CDH2: variants seen among roughly 807,000 people sequenced by gnomAD.
CDH2 encodes cadherin-2.
CDH2 carries 17 observed loss-of-function variants against 92.0 expected under a neutral mutation model. That is an observed-to-expected ratio of 0.18 (90% CI 0.13 to 0.28). The LOEUF is 0.28. CDH2 is among the 10% of genes least tolerant of loss of function. CDH2 has a pLI of 1.00. For synonymous variants in CDH2, 419 were observed against 415.9 expected, an observed-to-expected ratio of 1.01 and a Z score of -0.09; for missense variants, 862 against 1,133.1, an observed-to-expected ratio of 0.76 and a Z score of 3.44.
rs374050723 is a variant in CDH2, at chr18:27,984,958, A to G, written c.2209+42T>C. The G allele has an allele frequency of 3.4e-5, 50 of 1,485,894 alleles. No homozygotes were observed. In the African/African-American group the frequency reaches 6.4e-4, roughly 19 times the overall value. 92.0% of individuals were successfully genotyped at this position (1,485,894 alleles called of 1,614,324 possible). A position where few individuals can be genotyped will look rare whatever the true frequency, so the allele number is the denominator to read the frequency against. The stretch of plus-strand genomic sequence containing the variant: ...ACATGACTTTGCTGAACATCCTAGA[A>G]GCCAAGAGAACTGAAATCTAAAAGA... On this transcript the variant is annotated intron_variant, in intron 13 of 15. Coordinates refer to ENST00000269141, the MANE Select transcript of CDH2 (RefSeq NM_001792.5).
At chr18:28,113,615 T>C (rs1024063143) in intron 2 of CDH2, among the ~76,000 whole-genome samples, 3 of 152,122 alleles carry the variant, frequency 2.0e-5, no homozygotes, top group African/African-American at 7.2e-5. Context: ...GATAGCTTCA[T>C]AGCTGATGAG....
intron 2 of CDH2, among the ~76,000 whole-genome samples, chr18:28,095,891 A>G (rs1242846841): frequency 6.6e-6 from 1 of 152,112 alleles, no homozygotes; most frequent in Non-Finnish European, 1.5e-5. Context: ...AATACATACA[A>G]GGTACAATAG....
intron 2 of CDH2, among the ~76,000 whole-genome samples, chr18:28,143,962 A>G (rs1255163549): frequency 6.6e-6 from 1 of 152,014 alleles, no homozygotes; most frequent in African/African-American, 2.4e-5. Flanking sequence ...ACACATGGAC[A>G]CAGGGAGGGG....
At chr18:28,072,771 T>C (rs529114968) in intron 2 of CDH2, among the ~76,000 whole-genome samples, 85 of 152,386 alleles carry the variant, frequency 5.6e-4, no homozygotes, top group Non-Finnish European at 1.0e-3. Context: ...TAGTTGTTTA[T>C]ACACAAAGCA....
chr18:28,036,352 A>G, intron 2 of CDH2: 2 of 678,590 alleles, frequency 2.9e-6, no homozygotes, highest in Non-Finnish European at 5.2e-6. Context: ...TAAGCATTAA[A>G]TTCCTTGTTT....
At chr18:28,147,422 T>C (rs1231234) in intron 2 of CDH2, among the ~76,000 whole-genome samples, 6,139 of 152,208 alleles carry the variant, frequency 0.04, 157 homozygotes, top group South Asian at 0.092. Context: ...ATCAGTTACA[T>C]AACGGTTTCT....
chr18:28,147,337 G>T (rs886299518), intron 2 of CDH2, among the ~76,000 whole-genome samples: 7 of 151,754 alleles, frequency 4.6e-5, no homozygotes, highest in African/African-American at 1.7e-4. Context: ...AAATTTTAAA[G>T]CCATTAGAAC....
chr18:28,176,953 C>G lies in CDH2; in HGVS notation c.60+10G>C, dbSNP rs1314279843. ...CGCCCGTGGCCCGGCCCGCGGGGAC[C>G]GCCGCGTACCTGAAGCAGGGCCGCC... On this transcript the variant is annotated intron_variant, in intron 1 of 15. Transcript: ENST00000269141. 4 of 1,323,200 alleles carry G rather than the reference C, an allele frequency of 3.0e-6. No homozygotes were observed. Among genetic ancestry groups the G allele is most frequent in the African/African-American group, 1.5e-5 (1 of 65,262 alleles). The allele number at this position is 1,323,200 out of a possible 1,614,324, so 82.0% of individuals were successfully genotyped here.
At chr18:27,937,264 A>G (rs574726768) in intron 6 of CDH2, among the ~76,000 whole-genome samples, 1 of 152,204 alleles carries the variant, frequency 6.6e-6, no homozygotes, top group Non-Finnish European at 1.5e-5. Flanking sequence ...TAAAATAAAG[A>G]CATTTAAAAG....
intron 10 of CDH2, among the ~76,000 whole-genome samples, chr18:27,989,125 T>C (rs971772266): frequency 2.6e-5 from 4 of 152,224 alleles, no homozygotes; most frequent in South Asian, 2.1e-4. Flanking sequence ...ATGGCCAACA[T>C]GAAGCCACAC....
chr18:28,079,244 C>T (rs1290904886), intron 2 of CDH2, among the ~76,000 whole-genome samples: 1 of 152,180 alleles, frequency 6.6e-6, no homozygotes, highest in Non-Finnish European at 1.5e-5. Context: ...ATCCTCCCTT[C>T]AGATTACAAA....
chr18:28,048,509 G>A (rs888050083), intron 2 of CDH2, among the ~76,000 whole-genome samples: 5 of 152,112 alleles, frequency 3.3e-5, no homozygotes, highest in East Asian at 3.9e-4. Context: ...AACTGTATTC[G>A]ATACGTTTTT....
intron 7 of CDH2, among the ~76,000 whole-genome samples, chr18:27,995,382 T>A (rs778166289): frequency 2.0e-5 from 3 of 151,230 alleles, no homozygotes; most frequent in Non-Finnish European, 4.4e-5. Flanking sequence ...CCTTCCCCAA[T>A]TAGAAGTGTC....
intron 2 of CDH2, among the ~76,000 whole-genome samples, chr18:28,083,494 T>C (rs2014869447): frequency 6.6e-6 from 1 of 152,162 alleles, no homozygotes; most frequent in South Asian, 2.1e-4. Context: ...AAAAAGACCT[T>C]AGAGATCATT....
Position 28,052,419 on chromosome 18 carries a change from G to A in CDH2, c.173-38510C>T, listed in dbSNP as rs185195275. Among the ~76,000 whole-genome samples the A allele has an allele frequency of 4.0e-3, 611 of 152,232 alleles. 9 individuals carry two copies. The highest frequency in any genetic ancestry group is 0.027 in the South Asian group (128 of 4,822). ...AAATTTTAACTTCTCAGTGTCCTTT[G>A]TCATTGAAGAGTATACAGAAGAAAA... On this transcript the variant is annotated intron_variant, in intron 2 of 15. Transcript: ENST00000269141.
At chr18:28,066,883 G>C (rs1029076632) in intron 2 of CDH2, among the ~76,000 whole-genome samples, 21 of 152,010 alleles carry the variant, frequency 1.4e-4, no homozygotes, top group African/African-American at 5.1e-4. Flanking sequence ...GATAAAAACC[G>C]AAAGTAAATT....
intron 2 of CDH2, among the ~76,000 whole-genome samples, chr18:28,135,756 T>A (rs938103262): frequency 3.9e-5 from 6 of 152,170 alleles, no homozygotes; most frequent in Non-Finnish European, 5.9e-5. Flanking sequence ...CACAAAGAAA[T>A]TAGGAGGACA....
intron 2 of CDH2, among the ~76,000 whole-genome samples, chr18:28,034,002 T>G: frequency 6.6e-6 from 1 of 152,138 alleles, no homozygotes; most frequent in East Asian, 1.9e-4. Context: ...TCGATTAGTC[T>G]GATATACTAT....
At chr18:28,003,249 GAT>G (rs1420604728) in intron 6 of CDH2, 80 bp from the exon 7 acceptor site, 1 of 1,049,682 alleles carries the variant, frequency 9.5e-7, no homozygotes, top group East Asian at 2.5e-5. Context: ...TTATTGTTTT[GAT>G]ATGTCTTATT....
Sources: allele counts gnomAD v4.1 joint callset (sites outside exome capture counted in the v4.1 genomes callset), GRCh38; gene constraint gnomAD v4.1.1; transcripts MANE v1.5; gene names NCBI Gene and HGNC (gene_info 2026-07-23, HGNC 2026-07-21).